The following SLC27A4 variants were observed in gnomAD, a reference collection of about 807,000 sequenced individuals.
SLC27A4 encodes long-chain fatty acid transport protein 4.
SLC27A4 carries 33 observed loss-of-function variants against 64.4 expected under a neutral mutation model. The ratio of observed to expected loss-of-function variants is 0.51; its 90% CI spans 0.39 to 0.68. The LOEUF (loss-of-function observed/expected upper bound fraction) is 0.68, where lower values mean the gene tolerates loss of function less well. Ranked by LOEUF, SLC27A4 falls within the 30% of genes least tolerant of loss-of-function variation. The pLI is 0.00. For synonymous variants in SLC27A4, 377 were observed against 370.0 expected (o/e 1.02, Z -0.22); for missense variants, 824 against 883.5 (o/e 0.93, Z 0.85).
intron 1 of SLC27A4, chr9:128,342,584 TG>T: frequency 1.9e-6 from 1 of 536,326 alleles, no homozygotes. Context: ...ACTTGCTTGT[TG>T]GTGAAGGAAG....
chr9:128,359,180 G>A (rs1832863131), intron 12 of SLC27A4, among the ~76,000 whole-genome samples: 1 of 152,170 alleles, frequency 6.6e-6, no homozygotes, highest in African/African-American at 2.4e-5. Context: ...CATCTGTACA[G>A]GATTAATACC....
rs376203527 is a variant in SLC27A4 at position 128,350,535 on chromosome 9, C to T, written c.837C>T (p.Asn279=). The part of the protein sequence containing the change: ...LVYYGFRMRP[N]DIVYDCLPLY... Reference sequence around the variant, plus strand: ...ACTATGGATTCCGCATGCGGCCCAACGACATCGTCTATGACTGCCTCCCCC... The same window carrying T: ...ACTATGGATTCCGCATGCGGCCCAATGACATCGTCTATGACTGCCTCCCCC... The change falls in exon 6 of 13, where the codon AAC becomes AAT. Residue 279 remains asparagine (N), a synonymous_variant. Transcript: ENST00000300456. 1.9e-5 allele frequency: 30 copies of T among 1,613,770 alleles called. No individual in the cohort carries two copies. Among genetic ancestry groups the T allele is most frequent in the Non-Finnish European group, 2.4e-5 (28 of 1,179,898 alleles).
At position 128,353,109 on chromosome 9, in the gene SLC27A4, G is replaced by T. The variant is rs374056113; in HGVS notation, c.1072G>T (p.Ala358Ser). ...EAENQHQVRM[A>S]LGNGLRQSIW... Reference sequence around the variant, plus strand: ...AGAAAACCAGCACCAGGTTCGCATGGCACTAGGCAATGGCCTCCGGCAGTC... The same window carrying T: ...AGAAAACCAGCACCAGGTTCGCATGTCACTAGGCAATGGCCTCCGGCAGTC... The change falls in exon 8 of 13, where the codon GCA (alanine) becomes TCA (serine). Residue 358 changes from alanine (A) to serine (S), a missense_variant. Coordinates refer to ENST00000300456, the MANE Select transcript of SLC27A4 (RefSeq NM_005094.4). This position sits in a 1 kb window ranked among gnomAD's most constrained non-coding sequence, Gnocchi z 4.9. The T allele has an allele frequency of 1.3e-4, 204 of 1,614,064 alleles. No individual in the cohort carries two copies. The highest frequency in any genetic ancestry group is 1.6e-4 in the Non-Finnish European group (192 of 1,180,028).
chr9:128,351,780 G>C (rs532614772), intron 6 of SLC27A4, among the ~76,000 whole-genome samples: 1 of 152,152 alleles, frequency 6.6e-6, no homozygotes, highest in East Asian at 1.9e-4. Flanking sequence ...TTAGCCAGGC[G>C]TGGTGCACAT....
In SLC27A4 at chr9:128,356,323, C is replaced by T. The variant is rs545046638; in HGVS notation, c.1774+527C>T. On this transcript the variant is annotated intron_variant, in intron 12 of 12. Coordinates refer to ENST00000300456, the MANE Select transcript of SLC27A4 (RefSeq NM_005094.4). ...GCTGCAGGAATAGACACTGTAAAGC[C>T]CCCGAAGCAGGAAGGAGCTTGGGTG... is the stretch of plus-strand genomic sequence containing the variant. Among the ~76,000 whole-genome samples, 328 of 152,282 alleles carry T rather than the reference C, an allele frequency of 2.2e-3. 1 individual carries two copies. Among genetic ancestry groups the T allele is most frequent in the African/African-American group, 7.5e-3 (313 of 41,556 alleles).
intron 9 of SLC27A4, 94 bp from the exon 10 acceptor site, chr9:128,354,959 A>AAG: frequency 8.0e-7 from 1 of 1,253,686 alleles, no homozygotes. Flanking sequence ...GTCTCAAAAA[A>AAG]AAAAAAAAAA....
In SLC27A4 at chr9:128,345,567, G is replaced by T; in HGVS notation, c.556+18G>T. 6.3e-7 allele frequency: 1 copy of T among 1,591,124 alleles called. No homozygotes were observed. ...GGCCTCAGGTGAGCCCCAAGGGGGC[G>T]GGGGACAAGCAGGAACCCCATGGGA... On this transcript the variant is annotated intron_variant, in intron 3 of 12. Transcript: ENST00000300456. This position sits in a 1 kb window ranked among gnomAD's most constrained non-coding sequence, Gnocchi z 4.1.
chr9:128,352,905 G>C (rs575494018), intron 7 of SLC27A4, 120 bp from the exon 8 acceptor site: 1 of 1,105,036 alleles, frequency 9.0e-7, no homozygotes, highest in East Asian at 2.6e-5. Flanking sequence ...GCTGAGACCC[G>C]GAGAGGGAAA....
Position 128,345,964 on chromosome 9 carries a change from A to G in SLC27A4, c.556+415A>G, listed in dbSNP as rs931198992. Among the ~76,000 whole-genome samples, 1 of 150,802 alleles carries G rather than the reference A, an allele frequency of 6.6e-6. No individual in the cohort carries two copies. Among genetic ancestry groups the G allele is most frequent in the Admixed American group, 6.6e-5 (1 of 15,162 alleles). ...CACCCAGGCTGGAGTGCAGTGGTGC[A>G]GTCACAGCTCACTGCAGCCTTGACC... On this transcript the variant is annotated intron_variant, in intron 3 of 12. Transcript: ENST00000300456. The surrounding 1 kb of genome is among the most constrained non-coding windows in gnomAD (Gnocchi z 4.1).
intron 12 of SLC27A4, among the ~76,000 whole-genome samples, chr9:128,356,092 G>T (rs953498198): frequency 6.6e-6 from 1 of 152,176 alleles, no homozygotes; most frequent in Non-Finnish European, 1.5e-5. Flanking sequence ...CTAGGACAAG[G>T]CATTCCAAAG....
rs765311079 is a variant in SLC27A4, at chr9:128,355,458, C to G, written c.1523C>G (p.Thr508Arg). 6.2e-7 allele frequency: 1 copy of G among 1,613,448 alleles called. No homozygotes were observed. The highest frequency in any genetic ancestry group is 2.2e-5 in the East Asian group (1 of 44,880). Residue 508 changes from threonine to arginine, a missense_variant, in exon 11 of 13, where the codon ACG (threonine) becomes AGG (arginine). Coordinates refer to ENST00000300456, the MANE Select transcript of SLC27A4 (RefSeq NM_005094.4). ...YLYFRDRTGDTFRWKGENVST... is the reference protein window; with the variant it reads ...YLYFRDRTGDRFRWKGENVST... ...TACTTCCGAGACCGCACTGGGGACACGTTCCGCTGGAAAGGTGAGAACGTG... is the reference window on the plus strand; with the variant it reads ...TACTTCCGAGACCGCACTGGGGACAGGTTCCGCTGGAAAGGTGAGAACGTG...
At chr9:128,355,280 C>G in intron 10 of SLC27A4, 90 bp downstream of exon 10, 1 of 1,591,222 alleles carries the variant, frequency 6.3e-7, no homozygotes, top group Non-Finnish European at 8.6e-7. Flanking sequence ...CCCAGGACTC[C>G]CCCAGTCCTG....
intron 12 of SLC27A4, among the ~76,000 whole-genome samples, chr9:128,359,565 C>T (rs539823544): frequency 3.3e-5 from 5 of 152,338 alleles, no homozygotes; most frequent in African/African-American, 1.2e-4. Flanking sequence ...GCCGAGGTTG[C>T]AGTGAGCCAA....
chr9:128,340,870 G>T (rs1352245747), intron 1 of SLC27A4, 32 bp downstream of exon 1: 1 of 608,890 alleles, frequency 1.6e-6, no homozygotes, highest in Non-Finnish European at 3.1e-6. Flanking sequence ...GGGTTCCCGG[G>T]TGGGGACATG....
intron 6 of SLC27A4, among the ~76,000 whole-genome samples, chr9:128,351,337 G>T (rs945286029): frequency 4.0e-5 from 6 of 151,554 alleles, no homozygotes; most frequent in Middle Eastern, 6.8e-3. Context: ...TGAGGCATGA[G>T]AATTGCTTGA....
rs587776377 is a variant in SLC27A4, at chr9:128,345,506, C to G, written c.513C>G (p.Thr171=). 1.9e-6 allele frequency: 3 copies of G among 1,610,502 alleles called. No individual in the cohort carries two copies. The highest frequency in any genetic ancestry group is 2.2e-5 in the East Asian group (1 of 44,818). ...ATGCTCTGCTCCACTGCCTCACCAC[C>G]TCGCGCGCACGGGCCCTTGTCTTTG... ...RRDALLHCLT[T]SRARALVFGS... Residue 171 remains threonine (T), a synonymous_variant, in exon 3 of 13, where the codon ACC becomes ACG. Coordinates refer to ENST00000300456, the MANE Select transcript of SLC27A4 (RefSeq NM_005094.4). This position sits in a 1 kb window ranked among gnomAD's most constrained non-coding sequence, Gnocchi z 4.1.
rs1229021567 is a variant in SLC27A4 at position 128,360,638 on chromosome 9, G to A, written c.*147G>A. On this transcript the variant is annotated 3_prime_UTR_variant, in exon 13 of 13. Transcript: ENST00000300456. ...CTGCCCCTCCATCCAAAACTGCCAA[G>A]TGACTCATTGCCTTCCCAACCCTTC... is the stretch of plus-strand genomic sequence containing the variant. 4 of 767,974 alleles carry A rather than the reference G, an allele frequency of 5.2e-6. No homozygotes were observed. The highest frequency in any genetic ancestry group is 8.5e-6 in the Non-Finnish European group (4 of 470,306). 47.6% of individuals were successfully genotyped at this position (767,974 alleles called of 1,614,324 possible).
chr9:128,355,134 A>G lies in SLC27A4; in HGVS notation c.1406A>G (p.Asn469Ser), dbSNP rs141763664. 19 of 1,613,440 alleles carry G rather than the reference A, an allele frequency of 1.2e-5. No homozygotes were observed. The highest frequency in any genetic ancestry group is 1.6e-5 in the Non-Finnish European group (19 of 1,179,800). Residue 469 changes from asparagine (N) to serine (S), a missense_variant, in exon 10 of 13, where the codon AAC becomes AGC. Asn to Ser is a conservative substitution (Grantham distance 46). Coordinates refer to ENST00000300456, the MANE Select transcript of SLC27A4 (RefSeq NM_005094.4). Reference sequence around the variant, plus strand: ...GATGGCTACCTCAACCAGGGCGCCAACAACAAGAAGATTGCCAAGGATGTC... The same window carrying G: ...GATGGCTACCTCAACCAGGGCGCCAGCAACAAGAAGATTGCCAAGGATGTC... Reference protein sequence around the residue: ...RFDGYLNQGANNKKIAKDVFK... With the variant: ...RFDGYLNQGASNKKIAKDVFK...
intron 4 of SLC27A4, among the ~76,000 whole-genome samples, chr9:128,349,816 G>A (rs767629422): frequency 5.3e-5 from 8 of 152,158 alleles, no homozygotes; most frequent in Non-Finnish European, 1.0e-4. Context: ...TCAGCAGTGC[G>A]GAAGCTACCT....
Sources: gnomAD v4.1 joint callset for allele counts (sites outside exome capture counted in the v4.1 genomes callset) on GRCh38, gnomAD v4.1.1 for gene constraint, Gnocchi (gnomAD v3.1) non-coding constraint, MANE v1.5 for transcripts, NCBI Gene and HGNC (gene_info 2026-07-23, HGNC 2026-07-21) for gene names.